Variants in AKAP10 observed in about 807,000 individuals in gnomAD.
AKAP10 encodes the protein A-kinase anchor protein 10, mitochondrial.
In AKAP10, 24 loss-of-function variants were observed where a neutral mutation model predicts 80.8. The ratio of observed to expected loss-of-function variants is 0.30; its 90% CI spans 0.22 to 0.42. AKAP10 has a LOEUF of 0.42. Ranked by LOEUF, AKAP10 falls within the 10% of genes least tolerant of loss-of-function variation. The pLI is 1.00. For missense variants in AKAP10, 661 were observed against 794.9 expected, an observed-to-expected ratio of 0.83 and a Z score of 2.03; for synonymous variants, 291 against 277.7, an observed-to-expected ratio of 1.05 and a Z score of -0.48.
Position 19,968,477 on chromosome 17 carries a change from A to G in AKAP10, c.89-16T>C. ...TTGCCTTTCACTAGAACATAAAAAGATAATTATGACCAACTTTTGCAGTCA... is the reference window on the plus strand; with the variant it reads ...TTGCCTTTCACTAGAACATAAAAAGGTAATTATGACCAACTTTTGCAGTCA... On this transcript the variant is annotated splice_polypyrimidine_tract_variant and intron_variant, in intron 1 of 14. Transcript: ENST00000225737. 6.2e-7 allele frequency: 1 copy of G among 1,611,532 alleles called. No individual in the cohort carries two copies. Among genetic ancestry groups the G allele is most frequent in the Non-Finnish European group, 8.5e-7 (1 of 1,178,074 alleles).
intron 7 of AKAP10, among the ~76,000 whole-genome samples, chr17:19,940,477 C>T (rs1042094266): frequency 2.0e-5 from 3 of 152,210 alleles, no homozygotes; most frequent in Admixed American, 1.3e-4. Context: ...GTTGCAAATG[C>T]TTCTTCACTG....
At chr17:19,906,358 G>T in intron 14 of AKAP10, 126 bp from the exon 15 acceptor site, 1 of 1,000,988 alleles carries the variant, frequency 1.0e-6, no homozygotes, top group Non-Finnish European at 1.5e-6. Context: ...ACAGCCAGAA[G>T]CTGACTACAA....
chr17:19,968,296 T>C (rs1312734295), intron 2 of AKAP10, 118 bp downstream of exon 2: 14 of 718,652 alleles, frequency 1.9e-5, no homozygotes, highest in Admixed American at 8.4e-5. Context: ...TCATAAGTAA[T>C]TATAAAATAA....
rs2042617422 is a variant in AKAP10 at position 19,905,006 on chromosome 17, A to ATATATT, written c.*1215_*1220dup. 5 of 147,394 alleles carry ATATATT rather than the reference A, an allele frequency of 3.4e-5. No homozygotes were observed. The South Asian group carries it at 1.1e-3, about 31-fold the overall frequency. The allele number at this position is 147,394 out of a possible 1,614,324, so 9.1% of individuals were successfully genotyped here. ...TCAAGGACAAAAGTGATTAATAATT[A>ATATATT]TATATTTATACATATATATATATAT... On this transcript the variant is annotated 3_prime_UTR_variant, in exon 15 of 15. Transcript: ENST00000225737.
At chr17:19,942,996 C>G (rs532142182) in intron 5 of AKAP10, among the ~76,000 whole-genome samples, 6 of 152,048 alleles carry the variant, frequency 3.9e-5, no homozygotes, top group Non-Finnish European at 8.8e-5. Context: ...AACTCCAGGG[C>G]TCAGTGATCC....
intron 1 of AKAP10, among the ~76,000 whole-genome samples, chr17:19,970,282 A>G (rs888847957): frequency 6.6e-6 from 1 of 152,130 alleles, no homozygotes; most frequent in African/African-American, 2.4e-5. Context: ...TTCCACATAC[A>G]AACTATGACC....
At position 19,940,799 on chromosome 17, in the gene AKAP10, T is replaced by C. The variant is rs1365291451; in HGVS notation, c.1185+88A>G. 12 of 1,392,288 alleles carry C rather than the reference T, an allele frequency of 8.6e-6. No individual in the cohort carries two copies. The East Asian group carries it at 2.6e-4, about 30-fold the overall frequency. 86.2% of individuals were successfully genotyped at this position (1,392,288 alleles called of 1,614,324 possible). On this transcript the variant is annotated intron_variant, in intron 7 of 14. Transcript: ENST00000225737. ...CTTTTTGGAAATGACTTGGCTCTTCTGTGTTATTTCCTATAGACAGGGCCC... is the reference window on the plus strand; with the variant it reads ...CTTTTTGGAAATGACTTGGCTCTTCCGTGTTATTTCCTATAGACAGGGCCC...
chr17:19,946,311 A>T (rs1597510821), intron 5 of AKAP10, among the ~76,000 whole-genome samples: 2 of 77,870 alleles, frequency 2.6e-5, no homozygotes, highest in African/African-American at 4.9e-5. Context: ...GCAGGGGGTG[A>T]GGGCATAAGA....
At chr17:19,955,532 G>A (rs974685889) in intron 4 of AKAP10, among the ~76,000 whole-genome samples, 5 of 152,114 alleles carry the variant, frequency 3.3e-5, no homozygotes, top group Non-Finnish European at 5.9e-5. Flanking sequence ...TACCACTAAA[G>A]CAAAGACAGT....
At chr17:19,923,164 G>A (rs1455247142) in intron 11 of AKAP10, among the ~76,000 whole-genome samples, 6 of 151,862 alleles carry the variant, frequency 4.0e-5, no homozygotes, top group African/African-American at 9.7e-5. Flanking sequence ...TGCAACCTCC[G>A]CCTCCCGGGT....
chr17:19,917,318 T>C (rs1259028885), intron 12 of AKAP10, among the ~76,000 whole-genome samples: 1 of 152,036 alleles, frequency 6.6e-6, no homozygotes, highest in East Asian at 1.9e-4. Flanking sequence ...AGATTTTCTA[T>C]TAATACTGGG....
At chr17:19,951,012 G>A (rs1383742260) in intron 4 of AKAP10, among the ~76,000 whole-genome samples, 2 of 152,066 alleles carry the variant, frequency 1.3e-5, no homozygotes, top group Non-Finnish European at 2.9e-5. Flanking sequence ...CCCCATCTGG[G>A]AGGTGAGGAG....
intron 1 of AKAP10, among the ~76,000 whole-genome samples, chr17:19,972,508 T>C (rs964465496): frequency 6.6e-6 from 1 of 152,172 alleles, no homozygotes; most frequent in Non-Finnish European, 1.5e-5. Context: ...CAGGCTGGAG[T>C]GCAGTGGCGC....
In AKAP10 at chr17:19,906,874, AG is replaced by A. The variant is rs542642014; in HGVS notation, c.1984-643del. ...ATAAAATCATGGAATGAGGATTAGA[AG>A]GGGTTTTTCTTTTGGGGTTTTGGTG... On this transcript the variant is annotated intron_variant, in intron 14 of 14. Transcript: ENST00000225737. Among the ~76,000 whole-genome samples the A allele has an allele frequency of 2.8e-3, 429 of 152,292 alleles. 3 individuals carry two copies. The highest frequency in any genetic ancestry group is 9.7e-3 in the African/African-American group (405 of 41,554).
At chr17:19,919,747 C>T (rs1483525400) in intron 12 of AKAP10, among the ~76,000 whole-genome samples, 1 of 151,610 alleles carries the variant, frequency 6.6e-6, no homozygotes, top group Non-Finnish European at 1.5e-5. Context: ...ACATTAAGTC[C>T]AACTTAGGTC....
At chr17:19,932,781 C>G (rs1453313130) in intron 9 of AKAP10, among the ~76,000 whole-genome samples, 2 of 151,854 alleles carry the variant, frequency 1.3e-5, no homozygotes, top group Admixed American at 6.6e-5. Flanking sequence ...ATCAAAATAT[C>G]TGTTTCCACA....
rs80122084 is a variant in AKAP10, at chr17:19,922,147, G to T, written c.1752-2029C>A. Among the ~76,000 whole-genome samples, 403 of 152,296 alleles carry T rather than the reference G, an allele frequency of 2.6e-3. 14 individuals carry two copies. The East Asian group carries it at 0.074, about 28-fold the overall frequency. ...AATAATGCCAGGTGCGGTGGCTCATGTGTGTAATCCCAGCACTTTGGGAGG... is the reference window on the plus strand; with the variant it reads ...AATAATGCCAGGTGCGGTGGCTCATTTGTGTAATCCCAGCACTTTGGGAGG... On this transcript the variant is annotated intron_variant, in intron 11 of 14. Coordinates refer to ENST00000225737, the MANE Select transcript of AKAP10 (RefSeq NM_007202.4).
chr17:19,974,288 T>C (rs940088220), intron 1 of AKAP10, among the ~76,000 whole-genome samples: 4 of 152,180 alleles, frequency 2.6e-5, no homozygotes, highest in African/African-American at 9.7e-5. Flanking sequence ...TTTTAGATAT[T>C]GTAAGTTGAA....
rs2042666182 is a variant in AKAP10, at chr17:19,909,386, G to C, written c.1888-110C>G. On this transcript the variant is annotated intron_variant, in intron 13 of 14. Transcript: ENST00000225737. ...TTACGCACATAATTTCTACTTATTT[G>C]GATAAGAATTTCATTCCCATGTACG... The C allele has an allele frequency of 4.2e-6, 4 of 962,750 alleles. No homozygotes were observed. In the African/African-American group the frequency reaches 5.1e-5, roughly 12 times the overall value. The allele number at this position is 962,750 out of a possible 1,614,324, so 59.6% of individuals were successfully genotyped here.
Sources: gnomAD v4.1 joint callset for allele counts (sites outside exome capture counted in the v4.1 genomes callset) on GRCh38, gnomAD v4.1.1 for gene constraint, MANE v1.5 for transcripts, NCBI Gene and HGNC (gene_info 2026-07-23, HGNC 2026-07-21) for gene names.